The following MME variants were observed in gnomAD, a reference collection of about 807,000 sequenced individuals.
MME encodes membrane metalloendopeptidase, also known as neprilysin.
A neutral mutation model predicts 113.2 loss-of-function variants in MME; 98 were observed. That is an observed-to-expected ratio of 0.87 (90% confidence interval 0.74 to 1.02). The LOEUF is 1.02. Ranked by LOEUF, MME falls within the 50% of genes least tolerant of loss-of-function variation. MME has a pLI of 0.00. For synonymous variants in MME, 292 were observed against 300.6 expected (o/e 0.97, Z 0.30); for missense variants, 836 against 896.0 (o/e 0.93, Z 0.86).
At chr3:155,043,711 A>T (rs1194866276) in intron 1 of MME, among the ~76,000 whole-genome samples, 1 of 152,084 alleles carries the variant, frequency 6.6e-6, no homozygotes, top group Non-Finnish European at 1.5e-5. Context: ...CTATTACTGG[A>T]CCTTTTATTA....
chr3:155,102,860 C>G (rs1418873346), intron 3 of MME, among the ~76,000 whole-genome samples: 2 of 152,168 alleles, frequency 1.3e-5, no homozygotes, highest in African/African-American at 4.8e-5. Flanking sequence ...GCTACCTCTT[C>G]CTCCTTTATC....
chr3:155,115,218 T>C (rs1718501724), intron 4 of MME, 63 bp downstream of exon 4: 2 of 1,570,864 alleles, frequency 1.3e-6, no homozygotes, highest in Non-Finnish European at 1.7e-6. Context: ...TTTTTAAATA[T>C]ACAATTGTTA....
intron 8 of MME, among the ~76,000 whole-genome samples, chr3:155,136,546 T>A (rs1284483694): frequency 6.6e-6 from 1 of 152,200 alleles, no homozygotes; most frequent in East Asian, 1.9e-4. Flanking sequence ...AGAGTATCCA[T>A]GAAAAGAACT....
chr3:155,071,888 G>A lies in MME; in HGVS notation c.-10-12270G>A, dbSNP rs374771454. On this transcript the variant is annotated intron_variant, in intron 1 of 22. Coordinates refer to the MME transcript ENST00000492661. ...TCATAAGAATCACTGTCGGCCGGGC[G>A]CGGTGGCTCACGCCTGTAATCCCAG... Among the ~76,000 whole-genome samples the A allele has an allele frequency of 2.4e-4, 37 of 152,222 alleles. 4 individuals are homozygous for A. Among genetic ancestry groups the A allele is most frequent in the East Asian group, 2.1e-3 (11 of 5,170 alleles).
At chr3:155,117,209 T>G (rs1000712336) in intron 7 of MME, among the ~76,000 whole-genome samples, 1 of 152,186 alleles carries the variant, frequency 6.6e-6, no homozygotes, top group Non-Finnish European at 1.5e-5. Context: ...CTACCTCTGT[T>G]TTAGATACCT....
chr3:155,163,934 G>T (rs1051924359), intron 17 of MME, among the ~76,000 whole-genome samples: 3 of 151,990 alleles, frequency 2.0e-5, no homozygotes, highest in Non-Finnish European at 4.4e-5. Context: ...CTTGAGCTCA[G>T]GAGTTGATAC....
chr3:155,049,063 C>T (rs1713662200), intron 1 of MME, among the ~76,000 whole-genome samples: 1 of 152,004 alleles, frequency 6.6e-6, no homozygotes, highest in African/African-American at 2.4e-5. Context: ...TCTATTGCTT[C>T]ATTATTTTAT....
chr3:155,030,895 A>G (rs538139120), intron 1 of MME, among the ~76,000 whole-genome samples: 2 of 152,330 alleles, frequency 1.3e-5, no homozygotes, highest in East Asian at 3.9e-4. Flanking sequence ...AAGAGGAAAA[A>G]AAATCAATAA....
chr3:155,156,762 T>C (rs947033911), intron 16 of MME, among the ~76,000 whole-genome samples: 2 of 152,142 alleles, frequency 1.3e-5, no homozygotes, highest in African/African-American at 4.8e-5. Context: ...ATCTATCGTA[T>C]TGCACTGCTG....
intron 3 of MME, among the ~76,000 whole-genome samples, chr3:155,088,403 G>C (rs143717728): frequency 1.3e-5 from 2 of 152,172 alleles, no homozygotes; most frequent in Non-Finnish European, 2.9e-5. Flanking sequence ...AAAAGAGAAG[G>C]CTGGGCACGG....
At chr3:155,050,055 G>A (rs1302002900) in intron 1 of MME, among the ~76,000 whole-genome samples, 1 of 151,990 alleles carries the variant, frequency 6.6e-6, no homozygotes, top group Non-Finnish European at 1.5e-5. Flanking sequence ...TGGTTCTTTA[G>A]CTCCCAGTTG....
chr3:155,076,106 G>T (rs1714738763), upstream of MME, among the ~76,000 whole-genome samples: 1 of 152,098 alleles, frequency 6.6e-6, no homozygotes, highest in Non-Finnish European at 1.5e-5. Context: ...GTCTAGCTTG[G>T]ACTACTTTAC....
intron 3 of MME, among the ~76,000 whole-genome samples, chr3:155,101,085 CA>C (rs569778213): frequency 1.0e-3 from 154 of 152,214 alleles, no homozygotes; most frequent in Non-Finnish European, 1.9e-3. Flanking sequence ...GGAACCCCCC[CA>C]CCCACTCTCT....
intron 8 of MME, among the ~76,000 whole-genome samples, chr3:155,133,500 T>A (rs757157385): frequency 2.0e-5 from 3 of 151,320 alleles, no homozygotes. Context: ...AATACATCGG[T>A]AAGGATAAAG....
In MME at chr3:155,177,795, C is replaced by T. The variant is rs1333400930; in HGVS notation, c.2154-2565C>T. Among the ~76,000 whole-genome samples, 4 of 152,180 alleles carry T rather than the reference C, an allele frequency of 2.6e-5. No homozygotes were observed. In the East Asian group the frequency reaches 7.7e-4, roughly 29 times the overall value. ...AGCTAGGAGATGAGCCATTTACTTT[C>T]AGTGGTTTTTCAACGTACTCTTTCA... On this transcript the variant is annotated intron_variant, in intron 22 of 22. Transcript: ENST00000360490.
chr3:155,038,214 C>T (rs1460371418), intron 1 of MME, among the ~76,000 whole-genome samples: 1 of 152,154 alleles, frequency 6.6e-6, no homozygotes. Flanking sequence ...CTACCAGACT[C>T]CAAAATGCTT....
chr3:155,024,205 T>G (rs1712695958), exon 1 of MME: 1 of 152,260 alleles, frequency 6.6e-6, no homozygotes, highest in Non-Finnish European at 1.5e-5. Context: ...CACCAGGAAT[T>G]GGTGCCTACC....
intron 1 of MME, among the ~76,000 whole-genome samples, chr3:155,031,275 T>C (rs747514057): frequency 6.6e-6 from 1 of 152,192 alleles, no homozygotes; most frequent in Non-Finnish European, 1.5e-5. Flanking sequence ...GTTGGATCTG[T>C]ATTTTATAAT....
chr3:155,114,610 T>C (rs956304374), intron 3 of MME, among the ~76,000 whole-genome samples: 3 of 152,106 alleles, frequency 2.0e-5, no homozygotes, highest in Admixed American at 6.6e-5. Flanking sequence ...AAGAGCAGAG[T>C]TGGCAACTAA....
Sources: allele counts gnomAD v4.1 joint callset (sites outside exome capture counted in the v4.1 genomes callset), GRCh38; gene constraint gnomAD v4.1.1; transcripts MANE v1.5; gene names NCBI Gene and HGNC (gene_info 2026-07-23, HGNC 2026-07-21).